ZMYND8: variants seen among roughly 807,000 people sequenced by gnomAD.
The protein encoded by ZMYND8 is MYND-type zinc finger-containing chromatin reader ZMYND8.
Under a neutral mutation model 140.8 loss-of-function variants are expected in ZMYND8, and 37 were observed. The ratio of observed to expected loss-of-function variants is 0.26; its 90% CI spans 0.20 to 0.35. The LOEUF is 0.35. Among genes scored for constraint, ZMYND8 ranks in the 10% least tolerant of loss-of-function variants. The pLI is 1.00. For missense variants in ZMYND8, 1,068 were observed against 1,570.0 expected (o/e 0.68, Z 5.40); for synonymous variants, 592 against 597.1 (o/e 0.99, Z 0.12).
chr20:47,348,330 T>A, intron 1 of ZMYND8: 1 of 235,226 alleles, frequency 4.3e-6, no homozygotes. Flanking sequence ...TTCTGATCGC[T>A]GAATACTTTA....
chr20:47,266,158 A>G lies in ZMYND8; in HGVS notation c.1481-3730T>C, dbSNP rs556377174. 2.0e-5 allele frequency among the ~76,000 whole-genome samples: 3 copies of G among 150,276 alleles called. No homozygotes were observed. In the South Asian group the frequency reaches 6.3e-4, roughly 32 times the overall value. ...TCCACCTCCTAGTGCCACCAATCCT[A>G]CCTCCCCAGTGTGTGAAACACCCTG... On this transcript the variant is annotated intron_variant, in intron 11 of 22. Transcript: ENST00000471951.
At chr20:47,227,621 CACTCT>C (rs1374803589) in intron 17 of ZMYND8, among the ~76,000 whole-genome samples, 1 of 150,058 alleles carries the variant, frequency 6.7e-6, no homozygotes, top group Non-Finnish European at 1.5e-5. Flanking sequence ...GCTGGATTTT[CACTCT>C]TACATAACAT....
At chr20:47,341,774 C>A (rs974522120) in intron 2 of ZMYND8, among the ~76,000 whole-genome samples, 2 of 151,972 alleles carry the variant, frequency 1.3e-5, no homozygotes, top group Admixed American at 6.6e-5. Flanking sequence ...GAGGCTGAGG[C>A]GGGTGGATCA....
intron 21 of ZMYND8, 137 bp downstream of exon 21, chr20:47,220,121 A>ACCCCCCCCCCC: frequency 1.6e-6 from 1 of 633,486 alleles, no homozygotes; most frequent in South Asian, 2.1e-5. Flanking sequence ...CCACTGACCC[A>ACCCCCCCCCCC]CCCCAGGCAC....
chr20:47,291,001 G>C (rs2077230876), intron 6 of ZMYND8, among the ~76,000 whole-genome samples: 1 of 152,006 alleles, frequency 6.6e-6, no homozygotes, highest in Non-Finnish European at 1.5e-5. Flanking sequence ...TTTACAGAAA[G>C]GCAAACTGAG....
chr20:47,252,578 C>T (rs2074277650), intron 12 of ZMYND8, among the ~76,000 whole-genome samples: 1 of 152,158 alleles, frequency 6.6e-6, no homozygotes, highest in African/African-American at 2.4e-5. Context: ...TACTAGAATA[C>T]ACAGTTAACG....
rs1036969957 is a variant in ZMYND8 at position 47,347,422 on chromosome 20, T to C, written c.85+434A>G. Among the ~76,000 whole-genome samples, 26 of 152,234 alleles carry C rather than the reference T, an allele frequency of 1.7e-4. 1 individual carries two copies. The highest frequency in any genetic ancestry group is 6.5e-5 in the Admixed American group (1 of 15,280). On this transcript the variant is annotated intron_variant, in intron 2 of 22. Coordinates refer to ENST00000471951, the MANE Select transcript of ZMYND8 (RefSeq NM_001281775.3). ...CCCAGCAAGCTCTACATTTCCTTTT[T>C]ATCTCTAACCCAAGACCACCACTTT...
intron 12 of ZMYND8, among the ~76,000 whole-genome samples, chr20:47,256,895 A>G (rs912968189): frequency 3.9e-5 from 6 of 152,180 alleles, no homozygotes; most frequent in African/African-American, 1.4e-4. Flanking sequence ...CAGAGCATCA[A>G]GGCGCATTTC....
At chr20:47,288,392 CTT>C (rs11411701) in intron 7 of ZMYND8, among the ~76,000 whole-genome samples, 2 of 123,268 alleles carry the variant, frequency 1.6e-5, no homozygotes, top group Admixed American at 8.9e-5. Flanking sequence ...TACACCAATT[CTT>C]TTTTTTTTTT....
chr20:47,344,865 C>A (rs765691324), intron 2 of ZMYND8, among the ~76,000 whole-genome samples: 16 of 152,158 alleles, frequency 1.1e-4, no homozygotes, highest in African/African-American at 3.1e-4. Context: ...ATAATCCCAG[C>A]ACTTTGGGAG....
chr20:47,278,614 T>C (rs2076401383), intron 10 of ZMYND8, among the ~76,000 whole-genome samples: 1 of 151,976 alleles, frequency 6.6e-6, no homozygotes, highest in Admixed American at 6.6e-5. Context: ...TGTTTGCAAG[T>C]CTCGGTGACA....
At chr20:47,317,416 C>G (rs929323136) in intron 2 of ZMYND8, among the ~76,000 whole-genome samples, 1 of 152,064 alleles carries the variant, frequency 6.6e-6, no homozygotes, top group Non-Finnish European at 1.5e-5. Context: ...CTCCTGCCCC[C>G]ACATCCGGTG....
chr20:47,262,193 T>C (rs1167399675), intron 12 of ZMYND8, 95 bp downstream of exon 12: 2 of 1,554,194 alleles, frequency 1.3e-6, no homozygotes, highest in African/African-American at 1.4e-5. Context: ...GAGAAAAGAG[T>C]TGAAGGTTCA....
intron 5 of ZMYND8, among the ~76,000 whole-genome samples, chr20:47,294,267 A>T (rs2077494174): frequency 6.6e-6 from 1 of 151,802 alleles, no homozygotes. Context: ...CACGAGAATC[A>T]CTTGAACCTG....
At chr20:47,215,306 G>A (rs2035919382) in intron 21 of ZMYND8, among the ~76,000 whole-genome samples, 1 of 152,124 alleles carries the variant, frequency 6.6e-6, no homozygotes. Flanking sequence ...CTGGGAAGCA[G>A]AGGTTGCAGT....
At chr20:47,231,947 A>G (rs933903724) in intron 16 of ZMYND8, among the ~76,000 whole-genome samples, 2 of 152,264 alleles carry the variant, frequency 1.3e-5, no homozygotes, top group South Asian at 2.1e-4. Flanking sequence ...GGTAAAGAAC[A>G]CCACTTTGCC....
intron 4 of ZMYND8, among the ~76,000 whole-genome samples, 168 bp from the exon 5 acceptor site, chr20:47,294,947 G>A (rs1601677642): frequency 6.6e-6 from 1 of 152,238 alleles, no homozygotes; most frequent in East Asian, 1.9e-4. Flanking sequence ...TACCAGATCA[G>A]TGGGTAACTA....
intron 2 of ZMYND8, among the ~76,000 whole-genome samples, chr20:47,328,671 C>T (rs1601968539): frequency 2.0e-5 from 3 of 152,108 alleles, no homozygotes; most frequent in African/African-American, 4.8e-5. Context: ...ACCATCTTGG[C>T]CAGGCTGGTC....
intron 14 of ZMYND8, among the ~76,000 whole-genome samples, chr20:47,239,508 T>G (rs969958328): frequency 6.6e-6 from 1 of 152,190 alleles, no homozygotes; most frequent in African/African-American, 2.4e-5. Flanking sequence ...TTCGCAAAGT[T>G]AAAATCTAGT....
Sources: allele counts gnomAD v4.1 joint callset (sites outside exome capture counted in the v4.1 genomes callset), GRCh38; gene constraint gnomAD v4.1.1; transcripts MANE v1.5; gene names NCBI Gene and HGNC (gene_info 2026-07-23, HGNC 2026-07-21).